Variants in GPHN observed in about 807,000 individuals in gnomAD.
The protein encoded by GPHN is gephyrin.
In GPHN, 17 loss-of-function variants were observed where a neutral mutation model predicts 95.5. That is an observed-to-expected ratio of 0.18 (90% CI 0.12 to 0.27). GPHN has a LOEUF of 0.27. Among genes scored for constraint, GPHN ranks in the 10% least tolerant of loss-of-function variants. The pLI is 1.00. For synonymous variants in GPHN, 320 were observed against 322.5 expected, an observed-to-expected ratio of 0.99 and a Z score of 0.08; for missense variants, 660 against 978.1, an observed-to-expected ratio of 0.67 and a Z score of 4.34.
At chr14:67,734,233 T>C in the GPHN span, 1,731 of 246,140 alleles carry the variant, frequency 7.0e-3, 36 homozygotes, top group African/African-American at 0.036. Flanking sequence ...TTCTAGGGGC[T>C]ATACACTCCA....
At chr14:67,170,291 A>C (rs1457095960) in intron 21 of GPHN, among the ~76,000 whole-genome samples, 2 of 152,152 alleles carry the variant, frequency 1.3e-5, no homozygotes, top group Non-Finnish European at 2.9e-5. Flanking sequence ...TGGTAATCAA[A>C]TTTGAAATTA....
chr14:66,904,589 C>G (rs745340479), intron 5 of GPHN, among the ~76,000 whole-genome samples: 5 of 152,116 alleles, frequency 3.3e-5, no homozygotes, highest in Non-Finnish European at 7.4e-5. Flanking sequence ...CTGGTTGACC[C>G]AGGAAGTCCA....
At chr14:67,121,466 A>G (rs986854162) in intron 16 of GPHN, among the ~76,000 whole-genome samples, 1 of 152,178 alleles carries the variant, frequency 6.6e-6, no homozygotes, top group Non-Finnish European at 1.5e-5. Flanking sequence ...CCTAACAATT[A>G]CCTTGCAAGG....
the GPHN span, chr14:67,223,864 G>A: frequency 1.0e-6 from 1 of 985,422 alleles, no homozygotes; most frequent in Non-Finnish European, 1.2e-6. Flanking sequence ...TTAACACCCT[G>A]TACCCCAAGA....
the GPHN span, chr14:67,576,283 C>A: frequency 1.1e-5 from 7 of 650,784 alleles, no homozygotes; most frequent in African/African-American, 1.3e-4. The surrounding 1 kb of genome is among the most constrained non-coding windows in gnomAD (Gnocchi z 4.0). Context: ...TCATGCCAAC[C>A]AAACTAGCTG....
At chr14:67,221,099 G>T in the GPHN span, among the ~76,000 whole-genome samples, 2 of 152,114 alleles carry the variant, frequency 1.3e-5, no homozygotes, top group Admixed American at 1.3e-4. Flanking sequence ...TAAGTATTTT[G>T]ATTATTATCA....
the GPHN span, chr14:67,576,109 T>G: frequency 1.1e-6 from 1 of 874,492 alleles, no homozygotes; most frequent in East Asian, 2.5e-5. This position sits in a 1 kb window ranked among gnomAD's most constrained non-coding sequence, Gnocchi z 4.0. Context: ...TTATTTCCTT[T>G]TGGACACTTT....
At chr14:67,679,399 T>C in the GPHN span, among the ~76,000 whole-genome samples, 2 of 150,854 alleles carry the variant, frequency 1.3e-5, no homozygotes, top group African/African-American at 4.9e-5. Context: ...TGTAATTAAT[T>C]CCAAGTTTTT....
chr14:66,526,605 G>A (rs2058702732), intron 1 of GPHN, among the ~76,000 whole-genome samples: 1 of 152,142 alleles, frequency 6.6e-6, no homozygotes, highest in African/African-American at 2.4e-5. Context: ...GTATGATGTT[G>A]GCTGTGGGTT....
chr14:67,409,379 C>T, the GPHN span, among the ~76,000 whole-genome samples: 1 of 152,134 alleles, frequency 6.6e-6, no homozygotes, highest in South Asian at 2.1e-4. Context: ...CTCATCTCTA[C>T]AAAAATACAA....
At chr14:67,312,794 A>G in the GPHN span, 1 of 1,069,962 alleles carries the variant, frequency 9.3e-7, no homozygotes, top group Non-Finnish European at 1.3e-6. Flanking sequence ...TCACTCTTTC[A>G]TGCCTCTATT....
intron 5 of GPHN, among the ~76,000 whole-genome samples, chr14:66,888,265 C>T (rs2064301155): frequency 6.6e-6 from 1 of 152,100 alleles, no homozygotes; most frequent in Non-Finnish European, 1.5e-5. Flanking sequence ...GACATACCAT[C>T]TTCAAACTAG....
chr14:66,625,638 C>G (rs2063499083), intron 1 of GPHN, among the ~76,000 whole-genome samples: 1 of 152,100 alleles, frequency 6.6e-6, no homozygotes, highest in South Asian at 2.1e-4. Context: ...TCCTCCAATG[C>G]CTGTTTGTAA....
At chr14:66,731,412 A>G (rs773518828) in intron 2 of GPHN, among the ~76,000 whole-genome samples, 11 of 152,224 alleles carry the variant, frequency 7.2e-5, no homozygotes, top group Non-Finnish European at 1.6e-4. Context: ...GAGGTGGCCA[A>G]TGAAGTCCAG....
intron 8 of GPHN, among the ~76,000 whole-genome samples, chr14:66,931,773 A>G (rs751517716): frequency 2.0e-5 from 3 of 152,126 alleles, no homozygotes; most frequent in Non-Finnish European, 2.9e-5. Flanking sequence ...TCTCTGTGTT[A>G]TCTTTCATTT....
chr14:67,434,431 C>T, the GPHN span, among the ~76,000 whole-genome samples: 4 of 152,152 alleles, frequency 2.6e-5, no homozygotes, highest in Non-Finnish European at 4.4e-5. Context: ...ATAGAAAAAA[C>T]AGAAACTAAC....
chr14:67,385,633 A>C, the GPHN span: 1 of 151,046 alleles, frequency 6.6e-6, no homozygotes, highest in South Asian at 2.1e-4. Context: ...CCAGGAAGAA[A>C]TATGAATATT....
At chr14:66,832,529 A>G (rs1318853916) in intron 4 of GPHN, among the ~76,000 whole-genome samples, 2 of 152,208 alleles carry the variant, frequency 1.3e-5, no homozygotes, top group Non-Finnish European at 2.9e-5. Context: ...ACTTTTTAGT[A>G]ATAGCCCACT....
intron 11 of GPHN, among the ~76,000 whole-genome samples, chr14:67,061,194 A>G (rs1434750683): frequency 6.6e-6 from 1 of 152,096 alleles, no homozygotes; most frequent in Non-Finnish European, 1.5e-5. Context: ...GGCATGCACC[A>G]CTATGCCCAG....
Sources: gnomAD v4.1 joint callset for allele counts (sites outside exome capture counted in the v4.1 genomes callset) on GRCh38, gnomAD v4.1.1 for gene constraint, Gnocchi (gnomAD v3.1) non-coding constraint, MANE v1.5 for transcripts, NCBI Gene and HGNC (gene_info 2026-07-23, HGNC 2026-07-21) for gene names.